The following RADIL variants were observed in gnomAD, a reference collection of about 807,000 sequenced individuals.
RADIL encodes the protein Rap associating with DIL domain, also known as ras-associating and dilute domain-containing protein.
A neutral mutation model predicts 97.6 loss-of-function variants in RADIL; 99 were observed. That is an observed-to-expected ratio of 1.01 (90% CI 0.86 to 1.20). RADIL has a LOEUF of 1.20. Ranked by LOEUF, RADIL falls within the 50% of genes most tolerant of loss-of-function variation. RADIL has a pLI of 0.00. For synonymous variants in RADIL, 803 were observed against 691.8 expected (o/e 1.16, Z -2.52); for missense variants, 1,765 against 1,498.9 (o/e 1.18, Z -2.93).
chr7:4,878,101 G>C lies in RADIL; in HGVS notation c.39C>G (p.Thr13=), dbSNP rs543089151. The C allele has an allele frequency of 1.3e-5, 20 of 1,585,298 alleles. No individual in the cohort carries two copies. In the South Asian group the frequency reaches 2.2e-4, roughly 17 times the overall value. The part of the protein sequence containing the change: ...YGTHFIMSPP[T]KSKLKRQSQL... Reference sequence around the variant, plus strand: ...GGCTCTGCCGCTTCAGTTTGCTCTTGGTGGGCGGGGACATGATGAAGTGCG... The same window carrying C: ...GGCTCTGCCGCTTCAGTTTGCTCTTCGTGGGCGGGGACATGATGAAGTGCG... Residue 13 remains threonine (T), a synonymous_variant, in exon 2 of 15, where the codon ACC becomes ACG. Transcript: ENST00000399583. The surrounding 1 kb of genome is among the most constrained non-coding windows in gnomAD (Gnocchi z 4.1).
intron 2 of RADIL, among the ~76,000 whole-genome samples, chr7:4,865,270 G>A (rs986863374): frequency 4.6e-5 from 7 of 152,150 alleles, no homozygotes; most frequent in African/African-American, 1.7e-4. Context: ...TTGCAGTCAT[G>A]TACATTATGA....
chr7:4,845,734 G>C (rs1270398638), intron 2 of RADIL, among the ~76,000 whole-genome samples: 1 of 152,150 alleles, frequency 6.6e-6, no homozygotes, highest in African/African-American at 2.4e-5. Flanking sequence ...ACACTAATTA[G>C]AGTCTTACTC....
chr7:4,834,021 G>A lies in RADIL; in HGVS notation c.1416+586C>T, dbSNP rs1783222002. On this transcript the variant is annotated intron_variant, in intron 4 of 14. Transcript: ENST00000399583. The surrounding 1 kb of genome is among the most constrained non-coding windows in gnomAD (Gnocchi z 6.0). The stretch of plus-strand genomic sequence containing the variant: ...AATGCACAGGCCAGCCTCACAGCAA[G>A]GAGCTCTCCTGCCACAGTGTCCACA... 6.6e-6 allele frequency among the ~76,000 whole-genome samples: 1 copy of A among 152,180 alleles called. No homozygotes were observed. Among genetic ancestry groups the A allele is most frequent in the Non-Finnish European group, 1.5e-5 (1 of 68,014 alleles).
intron 2 of RADIL, among the ~76,000 whole-genome samples, chr7:4,841,217 G>T (rs1783430954): frequency 6.6e-6 from 1 of 152,156 alleles, no homozygotes; most frequent in African/African-American, 2.4e-5. Flanking sequence ...GTCAGCTGTG[G>T]CCCCAACGCC....
intron 4 of RADIL, among the ~76,000 whole-genome samples, chr7:4,833,666 C>T (rs1783209913): frequency 6.6e-6 from 1 of 152,188 alleles, no homozygotes; most frequent in Non-Finnish European, 1.5e-5. Context: ...AAGTGGTTCC[C>T]CCTTCCCCTG....
chr7:4,851,670 G>C (rs1439621896), intron 2 of RADIL, among the ~76,000 whole-genome samples: 1 of 152,026 alleles, frequency 6.6e-6, no homozygotes, highest in Non-Finnish European at 1.5e-5. Flanking sequence ...TTTCCAAGCA[G>C]AGTGTAGAAG....
At chr7:4,799,850 C>T in intron 13 of RADIL, 81 bp from the exon 14 acceptor site, 2 of 1,433,750 alleles carry the variant, frequency 1.4e-6, no homozygotes, top group Non-Finnish European at 1.8e-6. Context: ...CCTCCCTTGG[C>T]ACCTACAGGC....
intron 2 of RADIL, chr7:4,857,903 A>C (rs908139870): frequency 6.6e-6 from 1 of 152,666 alleles, no homozygotes; most frequent in African/African-American, 2.4e-5. Flanking sequence ...AATAAAAATT[A>C]GAAATAAAAA....
At position 4,799,780 on chromosome 7, in the gene RADIL, G is replaced by T; in HGVS notation, c.2983-11C>A. Reference sequence around the variant, plus strand: ...GCCCAGGTGCGTGTGCTGGGGACAAGCAGAGGCCTCAGAGCTCCGCAGGCC... The same window carrying T: ...GCCCAGGTGCGTGTGCTGGGGACAATCAGAGGCCTCAGAGCTCCGCAGGCC... On this transcript the variant is annotated splice_polypyrimidine_tract_variant and intron_variant, in intron 13 of 14. Transcript: ENST00000399583. 1 of 1,514,122 alleles carries T rather than the reference G, an allele frequency of 6.6e-7. No homozygotes were observed. The highest frequency in any genetic ancestry group is 8.8e-7 in the Non-Finnish European group (1 of 1,135,676). The allele number at this position is 1,514,122 out of a possible 1,614,324, so 93.8% of individuals were successfully genotyped here.
At chr7:4,836,643 C>A (rs186996303) in intron 2 of RADIL, 38 bp from the exon 3 acceptor site, 1 of 1,601,620 alleles carries the variant, frequency 6.2e-7, no homozygotes, top group South Asian at 1.1e-5. Flanking sequence ...AGTTAGAAGT[C>A]TCATAGCACC....
In RADIL at chr7:4,821,285, G is replaced by A. The variant is rs1449957823; in HGVS notation, c.1615+1109C>T. Among the ~76,000 whole-genome samples the A allele has an allele frequency of 1.3e-5, 2 of 152,186 alleles. No homozygotes were observed. Among genetic ancestry groups the A allele is most frequent in the African/African-American group, 4.8e-5 (2 of 41,454 alleles). On this transcript the variant is annotated intron_variant, in intron 6 of 14. Transcript: ENST00000399583. The surrounding 1 kb of genome is among the most constrained non-coding windows in gnomAD (Gnocchi z 5.2). ...CACCCCACAGATGTGAGGGCAGTGG[G>A]TGGACAGCAAGGCCGTTGGGGGCAG...
rs1562427818 is a variant in RADIL at position 4,805,616 on chromosome 7, A to G, written c.2240T>C (p.Met747Thr). The change falls in exon 10 of 15, where the codon ATG (methionine) becomes ACG (threonine). Residue 747 changes from methionine (M) to threonine (T), a missense_variant. Transcript: ENST00000399583. ...CTGGGCCCCTGGCTCCCAGGTGCTC[A>G]TGGGGCCCATGGCCGAGGCCAGCTG... ...HYQLASAMGP[M>T]STWEPGAQDS... is the part of the protein sequence containing the mutation. 1 of 1,611,742 alleles carries G rather than the reference A, an allele frequency of 6.2e-7. No individual in the cohort carries two copies. The highest frequency in any genetic ancestry group is 8.5e-7 in the Non-Finnish European group (1 of 1,179,792).
At chr7:4,808,447 G>A (rs764874304) in intron 9 of RADIL, 13 of 316,762 alleles carry the variant, frequency 4.1e-5, no homozygotes, top group South Asian at 1.2e-4. Flanking sequence ...CTGTTTCAGG[G>A]GTCATCAAAC....
Position 4,815,493 on chromosome 7 carries a change from T to TG in RADIL, c.1967-44dup, listed in dbSNP as rs1378991449. 1.3e-5 allele frequency: 19 copies of TG among 1,453,452 alleles called. No homozygotes were observed. Among genetic ancestry groups the TG allele is most frequent in the Non-Finnish European group, 1.7e-5 (19 of 1,097,578 alleles). The allele number at this position is 1,453,452 out of a possible 1,614,324, so 90.0% of individuals were successfully genotyped here. ...GAGGGTGATGCCTGGGCTGCCCTCC[T>TG]GGGGGGACACAGACATGGGCCTGTC... On this transcript the variant is annotated intron_variant, in intron 8 of 14. Coordinates refer to ENST00000399583, the MANE Select transcript of RADIL (RefSeq NM_018059.5). This position sits in a 1 kb window ranked among gnomAD's most constrained non-coding sequence, Gnocchi z 8.0.
chr7:4,842,203 G>A lies in RADIL; in HGVS notation c.536-5598C>T, dbSNP rs2115010838. On this transcript the variant is annotated intron_variant, in intron 2 of 14. Coordinates refer to ENST00000399583, the MANE Select transcript of RADIL (RefSeq NM_018059.5). This position sits in a 1 kb window ranked among gnomAD's most constrained non-coding sequence, Gnocchi z 4.5. ...AGGAGTAGAAAGTGCAGGGCGCCGG[G>A]GCAATGGGGAAGATGGGGATGGGAC... 6.6e-6 allele frequency among the ~76,000 whole-genome samples: 1 copy of A among 152,286 alleles called. No homozygotes were observed. Among genetic ancestry groups the A allele is most frequent in the South Asian group, 2.1e-4 (1 of 4,824 alleles).
Position 4,880,066 on chromosome 7 carries a change from G to A in RADIL, c.-64-1863C>T, listed in dbSNP as rs373638258. Among the ~76,000 whole-genome samples, 2 of 152,162 alleles carry A rather than the reference G, an allele frequency of 1.3e-5. No homozygotes were observed. Among genetic ancestry groups the A allele is most frequent in the East Asian group, 3.9e-4 (2 of 5,182 alleles). ...GGCTGGCCCTTCTCCTGTTCCTATAGCCCACTGCGGACACTTCACCACGGC... is the reference window on the plus strand; with the variant it reads ...GGCTGGCCCTTCTCCTGTTCCTATAACCCACTGCGGACACTTCACCACGGC... On this transcript the variant is annotated intron_variant, in intron 1 of 14. Transcript: ENST00000399583. The surrounding 1 kb of genome is among the most constrained non-coding windows in gnomAD (Gnocchi z 4.5).
intron 2 of RADIL, among the ~76,000 whole-genome samples, chr7:4,847,754 A>AAC (rs1554263872): frequency 6.7e-6 from 1 of 150,304 alleles, no homozygotes; most frequent in African/African-American, 2.4e-5. Flanking sequence ...AAAAAAAAAA[A>AAC]AAAAAAAAAA....
chr7:4,860,727 G>A (rs764807553), intron 2 of RADIL: 4 of 1,614,016 alleles, frequency 2.5e-6, no homozygotes, highest in Non-Finnish European at 3.4e-6. Context: ...GCTTCAAAGA[G>A]TTTGGACCAC....
At position 4,879,565 on chromosome 7, in the gene RADIL, G is replaced by A. The variant is rs893366649; in HGVS notation, c.-64-1362C>T. Among the ~76,000 whole-genome samples, 1 of 152,152 alleles carries A rather than the reference G, an allele frequency of 6.6e-6. No individual in the cohort carries two copies. The highest frequency in any genetic ancestry group is 2.4e-5 in the African/African-American group (1 of 41,430). On this transcript the variant is annotated intron_variant, in intron 1 of 14. Transcript: ENST00000399583. This position sits in a 1 kb window ranked among gnomAD's most constrained non-coding sequence, Gnocchi z 4.1. ...GTCCAGGTCCCAGTGAACACAGCAC[G>A]GGTCGCCTGCCACTGCGACCGGGGT...
Sources: allele counts gnomAD v4.1 joint callset (sites outside exome capture counted in the v4.1 genomes callset), GRCh38; gene constraint gnomAD v4.1.1; non-coding constraint Gnocchi (gnomAD v3.1); transcripts MANE v1.5; gene names NCBI Gene and HGNC (gene_info 2026-07-23, HGNC 2026-07-21).